The following SEMA5A variants were observed in gnomAD, a reference collection of about 807,000 sequenced individuals.
SEMA5A encodes semaphorin-5A.
SEMA5A carries 55 observed loss-of-function variants against 135.5 expected under a neutral mutation model. The observed-to-expected ratio is 0.41, with a 90% CI of 0.33 to 0.51. The LOEUF is 0.51. Among genes scored for constraint, SEMA5A ranks in the 20% least tolerant of loss-of-function variants. The pLI, the probability that SEMA5A is intolerant of heterozygous loss-of-function variation, is 0.37. For missense variants in SEMA5A, 1,290 were observed against 1,419.9 expected (o/e 0.91, Z 1.47); for synonymous variants, 580 against 546.5 (o/e 1.06, Z -0.85).
At chr5:9,116,175 G>A (rs1360063917) in intron 15 of SEMA5A, among the ~76,000 whole-genome samples, 1 of 152,164 alleles carries the variant, frequency 6.6e-6, no homozygotes, top group Non-Finnish European at 1.5e-5. Context: ...GAGGCCCCAA[G>A]CAGAGGATCT....
intron 16 of SEMA5A, among the ~76,000 whole-genome samples, chr5:9,070,712 AAC>A (rs1737727730): frequency 6.6e-6 from 1 of 152,206 alleles, no homozygotes; most frequent in African/African-American, 2.4e-5. Context: ...AGCCTCCAAC[AAC>A]AGTCTGTTCT....
intron 6 of SEMA5A, among the ~76,000 whole-genome samples, chr5:9,227,551 A>ATTTTT (rs10691747): frequency 2.1e-5 from 3 of 141,048 alleles, no homozygotes; most frequent in Non-Finnish European, 3.0e-5. Flanking sequence ...ATCTATATGA[A>ATTTTT]TTTTTTTTTT....
At chr5:9,445,078 C>T (rs113120130) in intron 1 of SEMA5A, among the ~76,000 whole-genome samples, 106 of 152,332 alleles carry the variant, frequency 7.0e-4, no homozygotes, top group African/African-American at 2.5e-3. Context: ...AATAATATTG[C>T]ATTCCAATAA....
chr5:9,190,521 A>G (rs1433151680), intron 10 of SEMA5A, 50 bp from the exon 11 acceptor site: 5 of 1,585,356 alleles, frequency 3.2e-6, no homozygotes, highest in Non-Finnish European at 4.3e-6. Context: ...CTGGACACCC[A>G]CAGCTGGCTG....
intron 14 of SEMA5A, 139 bp from the exon 15 acceptor site, chr5:9,119,280 GA>G: frequency 4.3e-6 from 4 of 934,624 alleles, no homozygotes; most frequent in Non-Finnish European, 6.5e-6. Flanking sequence ...CCAGCCAGGG[GA>G]CTGAATGGAC....
intron 1 of SEMA5A, among the ~76,000 whole-genome samples, chr5:9,473,221 A>C (rs926104189): frequency 2.7e-5 from 4 of 148,744 alleles, no homozygotes; most frequent in Admixed American, 2.7e-4. Flanking sequence ...AAAAAAAAAG[A>C]ATGATAAAAG....
chr5:9,437,227 C>T (rs1758064792), intron 2 of SEMA5A, among the ~76,000 whole-genome samples: 1 of 152,186 alleles, frequency 6.6e-6, no homozygotes. Context: ...AGCATCTAAG[C>T]CTTTTCACGT....
intron 3 of SEMA5A, among the ~76,000 whole-genome samples, chr5:9,353,110 A>AGGAAAGGAAAG (rs1754226315): frequency 1.8e-4 from 3 of 17,024 alleles, no homozygotes; most frequent in African/African-American, 5.3e-4. Context: ...AGGAAAGGAA[A>AGGAAAGGAAAG]GGAAAGGAAA....
chr5:9,304,902 T>C (rs982301705), intron 5 of SEMA5A, among the ~76,000 whole-genome samples: 5 of 152,186 alleles, frequency 3.3e-5, no homozygotes, highest in Admixed American at 2.0e-4. Context: ...TGTTTTTCTA[T>C]GTAGTTATTA....
chr5:9,346,211 T>C (rs1331408370), intron 3 of SEMA5A, among the ~76,000 whole-genome samples: 1 of 152,134 alleles, frequency 6.6e-6, no homozygotes, highest in Non-Finnish European at 1.5e-5. Context: ...AGGGACAGTT[T>C]GATGGTGTAA....
At chr5:9,066,841 C>T (rs1737500287) in intron 16 of SEMA5A, among the ~76,000 whole-genome samples, 195 bp from the exon 17 acceptor site, 1 of 152,126 alleles carries the variant, frequency 6.6e-6, no homozygotes. Flanking sequence ...CAAGACATCT[C>T]CAAAAGGAAT....
At chr5:9,235,174 A>C (rs556524284) in intron 6 of SEMA5A, among the ~76,000 whole-genome samples, 2 of 152,228 alleles carry the variant, frequency 1.3e-5, no homozygotes, top group African/African-American at 4.8e-5. Context: ...TTAGTAGGAC[A>C]AGGAGTATAA....
At chr5:9,096,885 CTA>C (rs1739348341) in intron 16 of SEMA5A, among the ~76,000 whole-genome samples, 1 of 152,056 alleles carries the variant, frequency 6.6e-6, no homozygotes, top group Non-Finnish European at 1.5e-5. Context: ...ATCAAAACCA[CTA>C]TGAGATGTCA....
At chr5:9,166,475 C>T (rs367783493) in intron 11 of SEMA5A, among the ~76,000 whole-genome samples, 10 of 152,148 alleles carry the variant, frequency 6.6e-5, no homozygotes, top group South Asian at 2.1e-4. Flanking sequence ...ACACAGGACA[C>T]GTTGTATAAG....
At chr5:9,517,236 C>G (rs1223392897) in intron 1 of SEMA5A, 1 of 152,162 alleles carries the variant, frequency 6.6e-6, no homozygotes, top group African/African-American at 2.4e-5. Context: ...ATGGGGAATG[C>G]CACATTTTTT....
In SEMA5A at chr5:9,090,534, T is replaced by C. The variant is rs183182760; in HGVS notation, c.2073+17606A>G. 2.6e-5 allele frequency among the ~76,000 whole-genome samples: 4 copies of C among 152,304 alleles called. No individual in the cohort carries two copies. The East Asian group carries it at 5.8e-4, about 22-fold the overall frequency. On this transcript the variant is annotated intron_variant, in intron 16 of 22. Transcript: ENST00000382496. ...TGTCTCCTTACAAATATGATGACGG[T>C]TGGGGGACTTCTGGTGCAACTGTTT...
Position 9,040,577 on chromosome 5 carries a change from A to C in SEMA5A, c.*2320T>G, listed in dbSNP as rs897418366. On this transcript the variant is annotated 3_prime_UTR_variant, in exon 23 of 23. Transcript: ENST00000382496. ...GAGAGAGAAAGGAAGAGAGATAAAC[A>C]ATTTTCCTTTGAACAGTGTGGTACG... 13 of 152,178 alleles carry C rather than the reference A, an allele frequency of 8.5e-5. No individual in the cohort carries two copies. The highest frequency in any genetic ancestry group is 3.1e-4 in the African/African-American group (13 of 41,458). 9.4% of individuals were successfully genotyped at this position (152,178 alleles called of 1,614,324 possible). A position where few individuals can be genotyped will look rare whatever the true frequency, so the allele number is the denominator to read the frequency against.
chr5:9,446,838 T>C (rs17324695), intron 1 of SEMA5A, among the ~76,000 whole-genome samples: 5,031 of 152,304 alleles, frequency 0.033, 148 homozygotes, highest in Middle Eastern at 0.14. Context: ...CTTAACTATC[T>C]CTGTTAAAAC....
chr5:9,054,161 G>T lies in SEMA5A; in HGVS notation c.2615C>A (p.Ala872Asp), dbSNP rs1467033010. Residue 872 changes from alanine to aspartate, a missense_variant, in exon 19 of 23, where the codon GCC (alanine) becomes GAC (aspartate). Ala to Asp is a moderately radical substitution (Grantham distance 126). Transcript: ENST00000382496. ...YMRTRSCSNPAPAYGGDICLG... is the reference protein window; with the variant it reads ...YMRTRSCSNPDPAYGGDICLG... ...GCAGATGTCCCCTCCATAGGCCGGGGCTGGATTGGAGCAAGAGCGGGTCCT... is the reference window on the plus strand; with the variant it reads ...GCAGATGTCCCCTCCATAGGCCGGGTCTGGATTGGAGCAAGAGCGGGTCCT... 2.5e-6 allele frequency: 4 copies of T among 1,614,032 alleles called. No homozygotes were observed. Among genetic ancestry groups the T allele is most frequent in the Non-Finnish European group, 2.5e-6 (3 of 1,180,004 alleles).
Sources: allele counts gnomAD v4.1 joint callset (sites outside exome capture counted in the v4.1 genomes callset), GRCh38; gene constraint gnomAD v4.1.1; transcripts MANE v1.5; gene names NCBI Gene and HGNC (gene_info 2026-07-23, HGNC 2026-07-21).